ADAM12: variants seen among roughly 807,000 people sequenced by gnomAD.
ADAM12 encodes the protein disintegrin and metalloproteinase domain-containing protein 12.
In ADAM12, 70 loss-of-function variants were observed where a neutral mutation model predicts 106.4. The ratio of observed to expected loss-of-function variants is 0.66; its 90% CI spans 0.54 to 0.80. The LOEUF (loss-of-function observed/expected upper bound fraction) is 0.80, where lower values mean the gene tolerates loss of function less well. ADAM12 is among the 30% of genes least tolerant of loss of function. ADAM12 has a pLI of 0.00. For missense variants in ADAM12, 1,010 were observed against 1,171.9 expected (o/e 0.86, Z 2.02); for synonymous variants, 420 against 433.5 (o/e 0.97, Z 0.39).
At chr10:126,257,511 A>G (rs1256148936) in intron 3 of ADAM12, among the ~76,000 whole-genome samples, 2 of 152,252 alleles carry the variant, frequency 1.3e-5, no homozygotes, top group Non-Finnish European at 2.9e-5. Context: ...CAGGTGCACG[A>G]AAGTGGTCAT....
At chr10:126,214,161 A>C (rs1957946714) in intron 3 of ADAM12, among the ~76,000 whole-genome samples, 1 of 152,218 alleles carries the variant, frequency 6.6e-6, no homozygotes, top group Non-Finnish European at 1.5e-5. Context: ...TTAAAACAAG[A>C]AGGAAGAAGC....
intron 1 of ADAM12, among the ~76,000 whole-genome samples, chr10:126,364,926 G>C (rs1313103737): frequency 1.3e-5 from 2 of 151,990 alleles, no homozygotes; most frequent in Non-Finnish European, 2.9e-5. Context: ...AACTCCCCCA[G>C]GTAAAGAATA....
chr10:126,146,059 G>A (rs917201749), intron 4 of ADAM12, among the ~76,000 whole-genome samples: 4 of 152,216 alleles, frequency 2.6e-5, no homozygotes, highest in Admixed American at 2.0e-4. Context: ...ATTAAAGCTA[G>A]GTTATACTGG....
At chr10:126,251,749 T>C (rs1389518338) in intron 3 of ADAM12, among the ~76,000 whole-genome samples, 1 of 142,814 alleles carries the variant, frequency 7.0e-6, no homozygotes, top group Non-Finnish European at 1.5e-5. Flanking sequence ...GATGGATAGA[T>C]TGGATGGATG....
chr10:126,215,859 T>C (rs1241558580), intron 3 of ADAM12, among the ~76,000 whole-genome samples: 23 of 152,198 alleles, frequency 1.5e-4, no homozygotes, highest in Non-Finnish European at 2.9e-5. Context: ...CCAAGGTTCA[T>C]GGTATTCGCA....
chr10:126,057,360 T>A, intron 14 of ADAM12, among the ~76,000 whole-genome samples: 1 of 26,620 alleles, frequency 3.8e-5, no homozygotes, highest in African/African-American at 1.3e-4. Flanking sequence ...AAACTTAGAG[T>A]ATAATAAAAA....
rs1468801806 is a variant in ADAM12 at position 126,015,035 on chromosome 10, A to G, written c.*2244T>C. On this transcript the variant is annotated 3_prime_UTR_variant, in exon 23 of 23. Transcript: ENST00000448723. ...TCTTGGAAGGATTAATACTGTCCAT[A>G]TTGTAAGGGAATATTAGTTTAAATA... The G allele has an allele frequency of 6.6e-6, 1 of 152,188 alleles. No homozygotes were observed. Among genetic ancestry groups the G allele is most frequent in the East Asian group, 1.9e-4 (1 of 5,194 alleles). The allele number at this position is 152,188 out of a possible 1,614,324, so 9.4% of individuals were successfully genotyped here. A position where few individuals can be genotyped will look rare whatever the true frequency, so the allele number is the denominator to read the frequency against.
At chr10:126,249,215 T>C (rs1187512677) in intron 3 of ADAM12, among the ~76,000 whole-genome samples, 1 of 152,222 alleles carries the variant, frequency 6.6e-6, no homozygotes, top group African/African-American at 2.4e-5. Flanking sequence ...TTTTTTATTC[T>C]GTAATCAATT....
At chr10:126,295,663 A>G (rs971818205) in intron 2 of ADAM12, among the ~76,000 whole-genome samples, 29 of 152,208 alleles carry the variant, frequency 1.9e-4, no homozygotes, top group African/African-American at 6.5e-4. Flanking sequence ...AGAAAAGTTA[A>G]TAAATGTCTT....
chr10:126,058,012 T>C (rs1278263), intron 14 of ADAM12, among the ~76,000 whole-genome samples: 98,348 of 152,052 alleles, frequency 0.65, 32,283 homozygotes, highest in East Asian at 0.93. Context: ...GCTGGGCACA[T>C]GACCGAAGCC....
chr10:126,049,316 G>C lies in ADAM12; in HGVS notation c.1854C>G (p.Tyr618Ter), dbSNP rs754498119. ...CTGGGTCCGGCATGTCATCGCCCAA[G>C]TACACGTGGGTCCCCCGGCACAGAA... Reference protein sequence around the residue: ...GRILCRGTHVYLGDDMPDPGL... With the variant: ...GRILCRGTHV The change falls in exon 16 of 23, where the codon TAC (tyrosine) becomes TAG (stop). Residue 618 changes from tyrosine (Y) to a stop codon, truncating the protein, a stop_gained. Transcript: ENST00000448723. LOFTEE classifies it high-confidence loss of function. The surrounding 1 kb of genome is among the most constrained non-coding windows in gnomAD (Gnocchi z 4.4). 4.3e-6 allele frequency: 7 copies of C among 1,614,252 alleles called. No individual in the cohort carries two copies. Among genetic ancestry groups the C allele is most frequent in the Non-Finnish European group, 5.1e-6 (6 of 1,180,050 alleles).
rs1953601971 is a variant in ADAM12, at chr10:126,013,352, G to A, written c.*3927C>T. The A allele has an allele frequency of 6.6e-6, 1 of 152,208 alleles. No homozygotes were observed. Among genetic ancestry groups the A allele is most frequent in the South Asian group, 2.1e-4 (1 of 4,830 alleles). The allele number at this position is 152,208 out of a possible 1,614,324, so 9.4% of individuals were successfully genotyped here. A position where few individuals can be genotyped will look rare whatever the true frequency, so the allele number is the denominator to read the frequency against. ...GTTTTAGTATCAGAGTTTTCAAATAGGTTTAAAAGCAGTAGATGTCAATAG... is the reference window on the plus strand; with the variant it reads ...GTTTTAGTATCAGAGTTTTCAAATAAGTTTAAAAGCAGTAGATGTCAATAG... On this transcript the variant is annotated 3_prime_UTR_variant, in exon 23 of 23. Transcript: ENST00000448723. This position sits in a 1 kb window ranked among gnomAD's most constrained non-coding sequence, Gnocchi z 4.3.
At chr10:126,151,100 C>T (rs1033822463) in intron 4 of ADAM12, among the ~76,000 whole-genome samples, 11 of 152,162 alleles carry the variant, frequency 7.2e-5, no homozygotes, top group Non-Finnish European at 1.3e-4. Context: ...TTTAGTCAGC[C>T]TATCTCCCCA....
chr10:126,317,056 G>T (rs750718706), intron 2 of ADAM12, among the ~76,000 whole-genome samples: 2 of 152,116 alleles, frequency 1.3e-5, no homozygotes, highest in Non-Finnish European at 2.9e-5. Flanking sequence ...CTGGGTGACT[G>T]AAGTTTGAGA....
At chr10:126,369,576 T>G (rs570905758) in intron 1 of ADAM12, among the ~76,000 whole-genome samples, 3 of 152,020 alleles carry the variant, frequency 2.0e-5, no homozygotes, top group Non-Finnish European at 4.4e-5. Context: ...GCAAAGGCAA[T>G]GAAGACACTG....
At chr10:126,359,662 A>G (rs1397687998) in intron 1 of ADAM12, among the ~76,000 whole-genome samples, 2 of 152,160 alleles carry the variant, frequency 1.3e-5, no homozygotes, top group Non-Finnish European at 2.9e-5. Flanking sequence ...TTTGCAGGGT[A>G]CAGCCTCCCT....
At chr10:126,241,518 A>G (rs1958523022) in intron 3 of ADAM12, among the ~76,000 whole-genome samples, 1 of 152,218 alleles carries the variant, frequency 6.6e-6, no homozygotes, top group East Asian at 1.9e-4. Context: ...TTCTCTCTGG[A>G]TGAGGTCTCT....
intron 3 of ADAM12, among the ~76,000 whole-genome samples, chr10:126,269,843 T>G (rs978609895): frequency 2.6e-5 from 4 of 152,212 alleles, no homozygotes; most frequent in African/African-American, 9.6e-5. Flanking sequence ...GACGCCACAC[T>G]CTCAAATCAC....
chr10:126,307,380 G>C (rs968196319), intron 2 of ADAM12, among the ~76,000 whole-genome samples: 2 of 151,928 alleles, frequency 1.3e-5, no homozygotes, highest in African/African-American at 4.8e-5. Context: ...TTGAGATGGA[G>C]TCTTGCTCTG....
Sources: gnomAD v4.1 joint callset for allele counts (sites outside exome capture counted in the v4.1 genomes callset) on GRCh38, gnomAD v4.1.1 for gene constraint, Gnocchi (gnomAD v3.1) non-coding constraint, MANE v1.5 for transcripts, NCBI Gene and HGNC (gene_info 2026-07-23, HGNC 2026-07-21) for gene names.